NUP98: variants seen among roughly 807,000 people sequenced by gnomAD.
NUP98 encodes nucleoporin 98 and 96 precursor, also known as nuclear pore complex protein Nup98-Nup96.
Under a neutral mutation model 191.9 loss-of-function variants are expected in NUP98, and 26 were observed. The ratio of observed to expected loss-of-function variants is 0.14; its 90% CI spans 0.10 to 0.19. NUP98 has a LOEUF of 0.19. Ranked by LOEUF, NUP98 falls within the 10% of genes least tolerant of loss-of-function variation. The probability of loss-of-function intolerance (pLI) is 1.00; values close to 1 mark genes in which losing one functional copy is unlikely to be tolerated. For missense variants in NUP98, 1,941 were observed against 2,178.8 expected (o/e 0.89, Z 2.17); for synonymous variants, 808 against 778.4 (o/e 1.04, Z -0.63).
chr11:3,726,786 C>CT (rs906463691), intron 14 of NUP98, among the ~76,000 whole-genome samples: 264 of 144,528 alleles, frequency 1.8e-3, no homozygotes, highest in South Asian at 0.01. Flanking sequence ...ACTTTTCTTT[C>CT]TTTTTTTTTT....
intron 9 of NUP98, among the ~76,000 whole-genome samples, 164 bp from the exon 10 acceptor site, chr11:3,760,790 A>C (rs570947102): frequency 6.6e-6 from 1 of 152,338 alleles, no homozygotes; most frequent in East Asian, 1.9e-4. Context: ...ATCAAAAAAT[A>C]ATCTGGGCAA....
chr11:3,788,209 C>T (rs1409576416), intron 1 of NUP98, among the ~76,000 whole-genome samples: 3 of 152,188 alleles, frequency 2.0e-5, no homozygotes, highest in South Asian at 2.1e-4. Context: ...TAAGCTCCTT[C>T]CTAATAGCAC....
At chr11:3,782,570 A>ATTTTTTTTTTTTTTTTTTTTT (rs35916882) in intron 1 of NUP98, among the ~76,000 whole-genome samples, 1 of 117,466 alleles carries the variant, frequency 8.5e-6, no homozygotes. Flanking sequence ...AAAAGCTAAC[A>ATTTTTTTTTTTTTTTTTTTTT]TTTTTTTTTT....
At chr11:3,693,577 G>A (rs1589970710) in intron 26 of NUP98, among the ~76,000 whole-genome samples, 2 of 152,180 alleles carry the variant, frequency 1.3e-5, no homozygotes, top group Non-Finnish European at 2.9e-5. Flanking sequence ...TTGATCGATT[G>A]ATACAGAGTT....
At chr11:3,793,910 G>C (rs373547071) in intron 1 of NUP98, among the ~76,000 whole-genome samples, 1 of 151,926 alleles carries the variant, frequency 6.6e-6, no homozygotes, top group Non-Finnish European at 1.5e-5. Context: ...CGGAGGTTGC[G>C]GTGAGCCAAG....
intron 11 of NUP98, among the ~76,000 whole-genome samples, chr11:3,748,563 G>A (rs866266611): frequency 6.6e-6 from 1 of 152,094 alleles, no homozygotes; most frequent in Non-Finnish European, 1.5e-5. Context: ...GGCTTATGCC[G>A]GGAGGCTGAG....
intron 27 of NUP98, 39 bp from the exon 28 acceptor site, chr11:3,691,528 A>T: frequency 6.2e-7 from 1 of 1,602,028 alleles, no homozygotes; most frequent in South Asian, 1.1e-5. Flanking sequence ...ATTAGCTCCT[A>T]ATCAGTTTTA....
chr11:3,766,993 C>T (rs921158697), intron 8 of NUP98, among the ~76,000 whole-genome samples: 10 of 152,064 alleles, frequency 6.6e-5, no homozygotes, highest in South Asian at 2.1e-4. Context: ...GAGACAGAGT[C>T]CCGCTCTGTC....
At chr11:3,705,540 A>G (rs1463005281) in intron 21 of NUP98, among the ~76,000 whole-genome samples, 184 bp from the exon 22 acceptor site, 1 of 152,180 alleles carries the variant, frequency 6.6e-6, no homozygotes, top group Non-Finnish European at 1.5e-5. Flanking sequence ...AATTCATATA[A>G]TACTTCTCTT....
chr11:3,793,598 T>G (rs569823869), intron 1 of NUP98, among the ~76,000 whole-genome samples: 7 of 151,888 alleles, frequency 4.6e-5, no homozygotes, highest in Non-Finnish European at 1.0e-4. Context: ...TACCACTATA[T>G]TTTTAAGAAT....
At chr11:3,721,544 C>A (rs2079400828) in intron 16 of NUP98, among the ~76,000 whole-genome samples, 1 of 151,794 alleles carries the variant, frequency 6.6e-6, no homozygotes. Context: ...ACCAAAAATA[C>A]AAAAATTAGC....
rs2077784154 is a variant in NUP98 at position 3,675,617 on chromosome 11, T to G, written c.*542A>C. The G allele has an allele frequency of 4.1e-6, 1 of 241,674 alleles. No individual in the cohort carries two copies. The highest frequency in any genetic ancestry group is 8.2e-6 in the Non-Finnish European group (1 of 121,772). The allele number at this position is 241,674 out of a possible 1,614,324, so 15.0% of individuals were successfully genotyped here. Reference sequence around the variant, plus strand: ...TTCTGCCCTAAGTGTGTCAGAAAGATCCCATTTTGTTTCCTAACTCAGGCC... The same window carrying G: ...TTCTGCCCTAAGTGTGTCAGAAAGAGCCCATTTTGTTTCCTAACTCAGGCC... On this transcript the variant is annotated 3_prime_UTR_variant, in exon 33 of 33. Coordinates refer to ENST00000324932, the MANE Select transcript of NUP98 (RefSeq NM_016320.5).
At chr11:3,768,507 T>G in intron 8 of NUP98, 74 bp downstream of exon 8, 1 of 1,339,172 alleles carries the variant, frequency 7.5e-7, no homozygotes, top group East Asian at 2.5e-5. Flanking sequence ...ATTTGCTAGT[T>G]TGACATGATT....
intron 4 of NUP98, among the ~76,000 whole-genome samples, chr11:3,778,423 GGA>G: frequency 6.6e-6 from 1 of 152,126 alleles, no homozygotes; most frequent in East Asian, 1.9e-4. Flanking sequence ...GACAAAGAAT[GGA>G]GGAGTAACCA....
At chr11:3,725,381 T>C (rs1317585915) in intron 14 of NUP98, among the ~76,000 whole-genome samples, 162 bp from the exon 15 acceptor site, 1 of 152,204 alleles carries the variant, frequency 6.6e-6, no homozygotes, top group Non-Finnish European at 1.5e-5. Flanking sequence ...TTCCTAGGAT[T>C]GTATAGCCAA....
intron 13 of NUP98, among the ~76,000 whole-genome samples, chr11:3,734,225 G>A (rs1369769430): frequency 2.6e-5 from 4 of 151,998 alleles, no homozygotes; most frequent in Admixed American, 2.0e-4. Flanking sequence ...TCATAGAGAC[G>A]GGGTTTCACC....
chr11:3,781,523 C>G (rs2081970997), intron 2 of NUP98: 1 of 144,324 alleles, frequency 6.9e-6, no homozygotes, highest in Non-Finnish European at 1.5e-5. Context: ...AAAAACCCCT[C>G]CACAAAAATT....
At chr11:3,778,347 G>C (rs1367869446) in intron 4 of NUP98, among the ~76,000 whole-genome samples, 2 of 152,136 alleles carry the variant, frequency 1.3e-5, no homozygotes, top group African/African-American at 4.8e-5. Flanking sequence ...GCTGTGTGGA[G>C]AAGTATCCCC....
intron 14 of NUP98, among the ~76,000 whole-genome samples, chr11:3,729,537 T>C (rs2079754235): frequency 9.3e-6 from 1 of 107,594 alleles, no homozygotes. Flanking sequence ...AAAGACCCTG[T>C]ATCTCCAAAA....
Sources: allele counts gnomAD v4.1 joint callset (sites outside exome capture counted in the v4.1 genomes callset), GRCh38; gene constraint gnomAD v4.1.1; transcripts MANE v1.5; gene names NCBI Gene and HGNC (gene_info 2026-07-23, HGNC 2026-07-21).